OLFM3: variants seen among roughly 807,000 people sequenced by gnomAD.
OLFM3 encodes olfactomedin 3.
OLFM3 carries 20 observed loss-of-function variants against 48.6 expected under a neutral mutation model. The ratio of observed to expected loss-of-function variants is 0.41; its 90% CI spans 0.29 to 0.60. The LOEUF (loss-of-function observed/expected upper bound fraction) is 0.60, where lower values mean the gene tolerates loss of function less well. OLFM3 is among the 20% of genes least tolerant of loss of function. The probability of loss-of-function intolerance (pLI) is 0.28; values close to 1 mark genes in which losing one functional copy is unlikely to be tolerated. For missense variants in OLFM3, 437 were observed against 544.3 expected (o/e 0.80, Z 1.96); for synonymous variants, 222 against 198.1 (o/e 1.12, Z -1.01).
At chr1:101,819,903 G>C (rs2100887105) in intron 4 of OLFM3, among the ~76,000 whole-genome samples, 1 of 152,088 alleles carries the variant, frequency 6.6e-6, no homozygotes, top group East Asian at 1.9e-4. Flanking sequence ...GCATAGATTT[G>C]AAATAGCACA....
chr1:101,804,156 A>G lies in OLFM3; in HGVS notation c.*82T>C, dbSNP rs768834441. The stretch of plus-strand genomic sequence containing the variant: ...CTTTGGAGAAATGATGAAAAATAAT[A>G]GTGAAGAAAAAAACGGAAGGGGTCT... On this transcript the variant is annotated 3_prime_UTR_variant, in exon 6 of 6. Coordinates refer to ENST00000370103, the MANE Select transcript of OLFM3 (RefSeq NM_058170.4). This position sits in a 1 kb window ranked among gnomAD's most constrained non-coding sequence, Gnocchi z 4.5. 5.6e-6 allele frequency: 6 copies of G among 1,064,490 alleles called. No individual in the cohort carries two copies. Among genetic ancestry groups the G allele is most frequent in the African/African-American group, 1.6e-5 (1 of 61,656 alleles). The allele number at this position is 1,064,490 out of a possible 1,614,324, so 65.9% of individuals were successfully genotyped here. A position where few individuals can be genotyped will look rare whatever the true frequency, so the allele number is the denominator to read the frequency against.
intron 1 of OLFM3, among the ~76,000 whole-genome samples, chr1:101,872,312 A>T (rs1172938329): frequency 1.3e-5 from 2 of 152,036 alleles, no homozygotes; most frequent in African/African-American, 4.8e-5. Flanking sequence ...GGTTGAGTGG[A>T]GAATAGATCT....
chr1:101,928,380 A>G (rs941867017), intron 1 of OLFM3, among the ~76,000 whole-genome samples: 2 of 152,076 alleles, frequency 1.3e-5, no homozygotes, highest in Admixed American at 1.3e-4. Flanking sequence ...GACTTAACAC[A>G]TTTTGAATTT....
intron 1 of OLFM3, among the ~76,000 whole-genome samples, chr1:101,843,972 A>G (rs1655859682): frequency 6.6e-6 from 1 of 152,172 alleles, no homozygotes. Flanking sequence ...TACTGTTTAA[A>G]GTGAGAACAT....
At chr1:101,938,351 A>G (rs191962528) in intron 1 of OLFM3, among the ~76,000 whole-genome samples, 1 of 152,248 alleles carries the variant, frequency 6.6e-6, no homozygotes, top group Non-Finnish European at 1.5e-5. Context: ...TTTACCTCTG[A>G]GTTTCTATCC....
Position 101,956,103 on chromosome 1 carries a change from T to TTTTTTTTTTTAA in OLFM3, c.69+40644_69+40645insTTAAAAAAAAAA, listed in dbSNP as rs781231551. On this transcript the variant is annotated intron_variant, in intron 1 of 5. Coordinates refer to ENST00000370103, the MANE Select transcript of OLFM3 (RefSeq NM_058170.4). Reference sequence around the variant, plus strand: ...AATAACAGGTTTTTTTTTTTTTTTTTAAAAAAAACCTTTACAGAATTTTCT... The same window carrying TTTTTTTTTTTAA: ...AATAACAGGTTTTTTTTTTTTTTTTTTTTTTTTTTTAAAAAAAAAACCTTTACAGAATTTTCT... Among the ~76,000 whole-genome samples the TTTTTTTTTTTAA allele has an allele frequency of 1.4e-3, 202 of 143,188 alleles. 1 individual carries two copies. The East Asian group carries it at 0.015, about 11-fold the overall frequency. 93.9% of individuals were successfully genotyped at this position (143,188 alleles called of 152,430 possible).
intron 1 of OLFM3, among the ~76,000 whole-genome samples, chr1:101,956,168 A>G (rs1660293308): frequency 6.7e-6 from 1 of 148,620 alleles, no homozygotes; most frequent in Admixed American, 6.7e-5. Flanking sequence ...ATTTTTCTAT[A>G]CCAGTCTAAA....
chr1:101,958,725 T>TC (rs1660375490), intron 1 of OLFM3, among the ~76,000 whole-genome samples: 4 of 151,956 alleles, frequency 2.6e-5, no homozygotes, highest in African/African-American at 9.6e-5. Context: ...GATTTTTTTT[T>TC]CCTCTCAAAT....
At chr1:101,846,855 G>A in intron 1 of OLFM3, 6 of 1,611,548 alleles carry the variant, frequency 3.7e-6, no homozygotes, top group African/African-American at 2.7e-5. Context: ...TAAGGTATCC[G>A]GAGTCGACAG....
chr1:101,993,888 C>T (rs1417891529), intron 1 of OLFM3, among the ~76,000 whole-genome samples: 1 of 151,156 alleles, frequency 6.6e-6, no homozygotes, highest in Non-Finnish European at 1.5e-5. Flanking sequence ...ACTTATCTTA[C>T]CATAAGATGG....
At chr1:101,921,086 A>G (rs866724566) in intron 1 of OLFM3, among the ~76,000 whole-genome samples, 23 of 152,132 alleles carry the variant, frequency 1.5e-4, no homozygotes, top group Admixed American at 7.2e-4. Flanking sequence ...AAGATGCTCA[A>G]TGGTGAGTGG....
At chr1:101,980,102 C>T (rs994840466) in intron 1 of OLFM3, among the ~76,000 whole-genome samples, 6 of 152,174 alleles carry the variant, frequency 3.9e-5, no homozygotes, top group African/African-American at 1.2e-4. Flanking sequence ...TATCCAATGC[C>T]TGTACTCTCA....
chr1:101,874,893 G>C (rs1270197663), intron 1 of OLFM3, among the ~76,000 whole-genome samples: 1 of 151,874 alleles, frequency 6.6e-6, no homozygotes, highest in Non-Finnish European at 1.5e-5. Context: ...TTCCCATCCT[G>C]ATTTAAGTAA....
chr1:101,941,415 GCCAGCAGAGAGGTC>G (rs1659792115), intron 1 of OLFM3, among the ~76,000 whole-genome samples: 1 of 152,168 alleles, frequency 6.6e-6, no homozygotes, highest in African/African-American at 2.4e-5. Context: ...CTGGCAATAT[GCCAGCAGAGAGGTC>G]ATTTTTAAAG....
intron 1 of OLFM3, among the ~76,000 whole-genome samples, chr1:101,993,399 C>T (rs564798246): frequency 3.9e-5 from 6 of 152,006 alleles, no homozygotes; most frequent in South Asian, 2.1e-4. Flanking sequence ...ATCTAGCAGC[C>T]GCCCTCAGAA....
chr1:101,827,920 C>A (rs1654939483), intron 3 of OLFM3, among the ~76,000 whole-genome samples: 1 of 152,086 alleles, frequency 6.6e-6, no homozygotes, highest in South Asian at 2.1e-4. Flanking sequence ...GTGATTGTAT[C>A]ATGGGGGTGG....
intron 1 of OLFM3, among the ~76,000 whole-genome samples, chr1:101,957,425 T>A (rs779021041): frequency 6.6e-6 from 1 of 151,826 alleles, no homozygotes; most frequent in Non-Finnish European, 1.5e-5. Flanking sequence ...TGGATTAGGA[T>A]GGGATGGCAA....
intron 1 of OLFM3, among the ~76,000 whole-genome samples, chr1:101,952,388 C>T (rs562861429): frequency 1.3e-5 from 2 of 151,918 alleles, no homozygotes; most frequent in Admixed American, 1.3e-4. Flanking sequence ...GTACTGAATA[C>T]AATTTTATTT....
At chr1:101,809,464 A>C (rs548547358) in intron 4 of OLFM3, among the ~76,000 whole-genome samples, 17 of 152,034 alleles carry the variant, frequency 1.1e-4, no homozygotes, top group African/African-American at 4.1e-4. Context: ...AACAGAATAA[A>C]GATATTTTTT....
Sources: gnomAD v4.1 joint callset for allele counts (sites outside exome capture counted in the v4.1 genomes callset) on GRCh38, gnomAD v4.1.1 for gene constraint, Gnocchi (gnomAD v3.1) non-coding constraint, MANE v1.5 for transcripts, NCBI Gene and HGNC (gene_info 2026-07-23, HGNC 2026-07-21) for gene names.